Variants in COL28A1 observed in about 807,000 individuals in gnomAD.
COL28A1 encodes collagen alpha-1(XXVIII) chain.
A neutral mutation model predicts 150.2 loss-of-function variants in COL28A1; 161 were observed. The ratio of observed to expected loss-of-function variants is 1.07; its 90% CI spans 0.94 to 1.22. The LOEUF (loss-of-function observed/expected upper bound fraction) is 1.22. COL28A1 is among the 50% of genes most tolerant of loss of function. The pLI is 0.00. For missense variants in COL28A1, 1,617 were observed against 1,388.3 expected, an observed-to-expected ratio of 1.16 and a Z score of -2.62; for synonymous variants, 552 against 469.7, an observed-to-expected ratio of 1.18 and a Z score of -2.26.
At position 7,531,328 on chromosome 7, in the gene COL28A1, T is replaced by G. The variant is rs17168516; in HGVS notation, c.681+20A>C. The G allele has an allele frequency of 0.26, 275,559 of 1,047,950 alleles. 40,581 individuals carry two copies. Among genetic ancestry groups the G allele is most frequent in the African/African-American group, 0.56 (35,337 of 62,686 alleles). 64.9% of individuals were successfully genotyped at this position (1,047,950 alleles called of 1,614,324 possible). A position where few individuals can be genotyped will look rare whatever the true frequency, so the allele number is the denominator to read the frequency against. On this transcript the variant is annotated intron_variant, in intron 3 of 34. Coordinates refer to ENST00000399429, the MANE Select transcript of COL28A1 (RefSeq NM_001037763.3). Reference sequence around the variant, plus strand: ...CAATATTATGATGATAACTGTATAATCAACCCATTAGGTACCTACCAGACG... The same window carrying G: ...CAATATTATGATGATAACTGTATAAGCAACCCATTAGGTACCTACCAGACG...
chr7:7,343,048 T>G, the COL28A1 span, among the ~76,000 whole-genome samples: 1 of 152,072 alleles, frequency 6.6e-6, no homozygotes, highest in Non-Finnish European at 1.5e-5. Context: ...TCACTGTCCT[T>G]TAGTTTCCAC....
At position 7,531,155 on chromosome 7, in the gene COL28A1, G is replaced by A. The variant is rs148312798; in HGVS notation, c.681+193C>T. 1.4e-4 allele frequency among the ~76,000 whole-genome samples: 22 copies of A among 152,310 alleles called. No homozygotes were observed. The East Asian group carries it at 3.7e-3, about 25-fold the overall frequency. On this transcript the variant is annotated intron_variant, in intron 3 of 34. Transcript: ENST00000399429. ...AAATGCAATTCCAGGGAATTAGCCTGGAACTTTTCCAGATTGTCTGGAGTA... is the reference window on the plus strand; with the variant it reads ...AAATGCAATTCCAGGGAATTAGCCTAGAACTTTTCCAGATTGTCTGGAGTA...
Position 7,373,378 on chromosome 7 carries a change from CT to C in COL28A1, c.2527del (p.Ser843AlafsTer10). On this transcript the variant is annotated frameshift_variant, in exon 32 of 35. Transcript: ENST00000399429. LOFTEE classifies it high-confidence loss of function. The surrounding 1 kb of genome is among the most constrained non-coding windows in gnomAD (Gnocchi z 4.1). ...ATARIGIINY[S>X]HKVEKVANLK... is the part of the protein sequence containing the mutation. ...ATTAGCCACCTTCTCCACCTTATGG[CT>C]ATAGTTGATTATGCCTATGCGGGCC... 2.5e-6 allele frequency: 4 copies of C among 1,614,182 alleles called. No homozygotes were observed. Among genetic ancestry groups the C allele is most frequent in the Non-Finnish European group, 3.4e-6 (4 of 1,180,044 alleles).
At chr7:7,507,498 G>A (rs562917929) in intron 9 of COL28A1, among the ~76,000 whole-genome samples, 150 of 152,294 alleles carry the variant, frequency 9.8e-4, no homozygotes, top group African/African-American at 3.4e-3. Context: ...CCTTCCGACA[G>A]GGTAATGTCA....
At chr7:7,520,137 ATTATT>A (rs1288785377) in intron 5 of COL28A1, 22 bp from the exon 6 acceptor site, 1 of 1,097,788 alleles carries the variant, frequency 9.1e-7, no homozygotes, top group African/African-American at 1.5e-5. Context: ...GGGAAAAAAT[ATTATT>A]TTAAGTAGGA....
At chr7:7,538,283 A>G (rs1371481571), upstream of COL28A1, among the ~76,000 whole-genome samples, 1 of 152,206 alleles carries the variant, frequency 6.6e-6, no homozygotes, top group Non-Finnish European at 1.5e-5. Flanking sequence ...AACAAATAAG[A>G]GAGCATGGAT....
intron 27 of COL28A1, among the ~76,000 whole-genome samples, chr7:7,408,211 C>T (rs1159977815): frequency 1.3e-5 from 2 of 152,006 alleles, no homozygotes; most frequent in Admixed American, 6.6e-5. Context: ...GAAGAACTGC[C>T]GCTGAAGAAT....
In COL28A1 at chr7:7,375,465, T is replaced by C. The variant is rs1199450253; in HGVS notation, c.2355A>G (p.Ile785Met). 2 of 1,575,630 alleles carry C rather than the reference T, an allele frequency of 1.3e-6. No homozygotes were observed. The highest frequency in any genetic ancestry group is 1.7e-5 in the Admixed American group (1 of 58,816). The change falls in exon 31 of 35, where the codon ATA becomes ATG. Residue 785 changes from isoleucine (I) to methionine (M), a missense_variant. Physicochemically the swap from Ile to Met is conservative, Grantham distance 10. Transcript: ENST00000399429. ...TTTTCCTTGATCAAATCTTACCACA[T>C]ATTTCTGTAATAAGTTTGATAATTT... Reference protein sequence around the residue: ...KEEIIKLITEICGCGPKCKET... With the variant: ...KEEIIKLITEMCGCGPKCKET...
At chr7:7,378,882 T>G (rs761927276) in intron 30 of COL28A1, among the ~76,000 whole-genome samples, 4 of 152,126 alleles carry the variant, frequency 2.6e-5, no homozygotes, top group African/African-American at 9.7e-5. Context: ...CACAACCCAC[T>G]AGTCCTACAC....
At position 7,420,993 on chromosome 7, in the gene COL28A1, C is replaced by A. The variant is rs146306446; in HGVS notation, c.1999-1040G>T. On this transcript the variant is annotated intron_variant, in intron 25 of 34. Transcript: ENST00000399429. ...TACAGTCATTTCACTCCTACATATA[C>A]ACCCAAAGAAAATAAAAATGTATGT... Among the ~76,000 whole-genome samples the A allele has an allele frequency of 4.9e-3, 746 of 152,304 alleles. 9 individuals carry two copies. The highest frequency in any genetic ancestry group is 0.028 in the East Asian group (146 of 5,186).
chr7:7,447,437 T>C (rs1040949255), intron 18 of COL28A1, among the ~76,000 whole-genome samples: 1 of 151,276 alleles, frequency 6.6e-6, no homozygotes, highest in Admixed American at 6.6e-5. Flanking sequence ...TTAATAATAA[T>C]ATTTAATTTA....
intron 13 of COL28A1, among the ~76,000 whole-genome samples, chr7:7,485,565 T>C (rs999011087): frequency 6.6e-6 from 1 of 152,216 alleles, no homozygotes; most frequent in Non-Finnish European, 1.5e-5. Flanking sequence ...TTTTCTCATA[T>C]GTTTTATTCT....
chr7:7,364,828 C>A (rs988088690), intron 33 of COL28A1, among the ~76,000 whole-genome samples: 4 of 147,494 alleles, frequency 2.7e-5, no homozygotes, highest in African/African-American at 9.8e-5. Context: ...TTTCTTCTTT[C>A]TCTACCTCTT....
intron 27 of COL28A1, among the ~76,000 whole-genome samples, chr7:7,381,874 G>A (rs1341251796): frequency 1.3e-5 from 2 of 152,156 alleles, no homozygotes; most frequent in Non-Finnish European, 2.9e-5. Flanking sequence ...TTTCTGTGGT[G>A]TAAATACTTT....
chr7:7,377,397 G>A (rs1006365089), intron 30 of COL28A1, among the ~76,000 whole-genome samples: 11 of 152,096 alleles, frequency 7.2e-5, no homozygotes, highest in African/African-American at 2.4e-4. Flanking sequence ...GCAGACAAAC[G>A]AAGACTTTCA....
At chr7:7,445,806 G>A (rs1410422194) in intron 18 of COL28A1, among the ~76,000 whole-genome samples, 1 of 149,106 alleles carries the variant, frequency 6.7e-6, no homozygotes, top group East Asian at 1.9e-4. Flanking sequence ...ATAAAGATGA[G>A]AGAAGAAAAT....
intron 11 of COL28A1, among the ~76,000 whole-genome samples, chr7:7,492,797 A>C (rs1436136816): frequency 1.3e-5 from 2 of 151,416 alleles, no homozygotes. Context: ...AAAAGTACTT[A>C]CTGTGCATGC....
At chr7:7,508,163 C>T (rs1003801222) in intron 9 of COL28A1, among the ~76,000 whole-genome samples, 25 of 151,044 alleles carry the variant, frequency 1.7e-4, no homozygotes, top group Admixed American at 1.3e-4. Context: ...ACCCGGGAGG[C>T]GGAGCTTGCA....
chr7:7,506,147 G>C (rs1440559946), intron 10 of COL28A1, 80 bp from the exon 11 acceptor site: 2 of 817,766 alleles, frequency 2.4e-6, no homozygotes, highest in Non-Finnish European at 4.4e-6. Flanking sequence ...GGTCCCTAGA[G>C]ATCCTGGCGA....
Sources: gnomAD v4.1 joint callset for allele counts (sites outside exome capture counted in the v4.1 genomes callset) on GRCh38, gnomAD v4.1.1 for gene constraint, Gnocchi (gnomAD v3.1) non-coding constraint, MANE v1.5 for transcripts, NCBI Gene and HGNC (gene_info 2026-07-23, HGNC 2026-07-21) for gene names.